Variants in GALNT14 observed in about 807,000 individuals in gnomAD.
GALNT14 encodes UDP-GalNAc:polypeptide N-acetylgalactosaminyltransferase 14.
A neutral mutation model predicts 77.5 loss-of-function variants in GALNT14; 60 were observed. The observed-to-expected ratio is 0.77, with a 90% CI of 0.63 to 0.96. The LOEUF is 0.96. GALNT14 is among the 40% of genes least tolerant of loss of function. The probability of loss-of-function intolerance (pLI) is 0.00; values close to 1 mark genes in which losing one functional copy is unlikely to be tolerated. For missense variants in GALNT14, 710 were observed against 731.0 expected, an observed-to-expected ratio of 0.97 and a Z score of 0.33; for synonymous variants, 280 against 281.7, an observed-to-expected ratio of 0.99 and a Z score of 0.06.
In GALNT14 at chr2:30,946,731, G is replaced by A. The variant is rs142921101; in HGVS notation, c.655-861C>T. On this transcript the variant is annotated intron_variant, in intron 6 of 14. Transcript: ENST00000349752. ...GACTGCAGCCCCAAGAAGCAAAACC[G>A]TACACCCATGGTGCTTCATTCTATG... 3.2e-4 allele frequency among the ~76,000 whole-genome samples: 48 copies of A among 152,236 alleles called. 1 individual carries two copies. In the East Asian group the frequency reaches 7.1e-3, roughly 23 times the overall value.
intron 2 of GALNT14, among the ~76,000 whole-genome samples, chr2:30,984,035 T>C (rs1669149477): frequency 6.6e-6 from 1 of 152,220 alleles, no homozygotes; most frequent in Non-Finnish European, 1.5e-5. Context: ...AGTCTTGCTG[T>C]TCTGCTCAAG....
chr2:31,082,342 C>G (rs1015932073), intron 1 of GALNT14, among the ~76,000 whole-genome samples: 9 of 152,250 alleles, frequency 5.9e-5, no homozygotes, highest in African/African-American at 2.2e-4. Context: ...TCAAGTGCAA[C>G]TCTTGTCTCT....
At chr2:30,955,998 G>A in intron 4 of GALNT14, 21 bp from the exon 5 acceptor site, 15 of 1,613,722 alleles carry the variant, frequency 9.3e-6, no homozygotes, top group Non-Finnish European at 1.3e-5. Context: ...AAAAGGTTAA[G>A]CCAATTGAGC....
chr2:30,890,467 C>T, the GALNT14 span, among the ~76,000 whole-genome samples: 2 of 152,140 alleles, frequency 1.3e-5, no homozygotes, highest in Admixed American at 1.3e-4. Context: ...GTTGAAAACT[C>T]TCAAATAATA....
chr2:30,992,390 G>A (rs1415301442), intron 2 of GALNT14, among the ~76,000 whole-genome samples: 1 of 152,114 alleles, frequency 6.6e-6, no homozygotes, highest in Non-Finnish European at 1.5e-5. Flanking sequence ...TCCAACGGCT[G>A]GCACTGGAAG....
Position 30,910,749 on chromosome 2 carries a change from T to G in GALNT14, c.*152A>C. On this transcript the variant is annotated 3_prime_UTR_variant, in exon 15 of 15. Transcript: ENST00000349752. ...TTGTGATGTTTTCCTCTGTCCTCCC[T>G]GAGACAGTTGCTCCTGTCCTGGGGG... The G allele has an allele frequency of 2.7e-6, 2 of 729,344 alleles. No individual in the cohort carries two copies. Among genetic ancestry groups the G allele is most frequent in the Non-Finnish European group, 4.4e-6 (2 of 454,642 alleles). 45.2% of individuals were successfully genotyped at this position (729,344 alleles called of 1,614,324 possible).
chr2:30,934,257 G>A (rs181358150), intron 9 of GALNT14, among the ~76,000 whole-genome samples: 2 of 152,220 alleles, frequency 1.3e-5, no homozygotes, highest in Non-Finnish European at 2.9e-5. Context: ...CCTGGAGGTC[G>A]GTGCGTGGAG....
intron 1 of GALNT14, among the ~76,000 whole-genome samples, chr2:31,090,435 G>A (rs1004241138): frequency 6.6e-6 from 1 of 151,476 alleles, no homozygotes; most frequent in Non-Finnish European, 1.5e-5. Flanking sequence ...GACGCACCTG[G>A]AGAAAGCTCC....
At chr2:31,012,473 T>C (rs1222006908) in intron 1 of GALNT14, among the ~76,000 whole-genome samples, 1 of 152,112 alleles carries the variant, frequency 6.6e-6, no homozygotes, top group Non-Finnish European at 1.5e-5. Flanking sequence ...AGGTTGGTAA[T>C]AAAAACTGCT....
chr2:31,003,174 T>C (rs138620263), intron 1 of GALNT14, among the ~76,000 whole-genome samples: 159 of 152,296 alleles, frequency 1.0e-3, no homozygotes, highest in East Asian at 0.01. Context: ...GTACTGGTAA[T>C]AAATTTAAAT....
chr2:31,128,746 T>C (rs568153498), intron 1 of GALNT14, among the ~76,000 whole-genome samples: 2 of 152,148 alleles, frequency 1.3e-5, no homozygotes, highest in African/African-American at 4.8e-5. Context: ...TCTCTCCACT[T>C]CTTGCACCAC....
Position 31,100,166 on chromosome 2 carries a change from A to C in GALNT14, c.129+37792T>G, listed in dbSNP as rs548831206. ...CTCTAAAAATATACGGTAAGTCCTC[A>C]CTTAACATCATTGATAGGTGGTTGG... On this transcript the variant is annotated intron_variant, in intron 1 of 14. Coordinates refer to ENST00000349752, the MANE Select transcript of GALNT14 (RefSeq NM_024572.4). 1.6e-4 allele frequency among the ~76,000 whole-genome samples: 24 copies of C among 152,124 alleles called. 3 individuals carry two copies. In the South Asian group the frequency reaches 5.0e-3, roughly 32 times the overall value.
Position 31,138,365 on chromosome 2 carries a change from G to T in GALNT14, c.-279C>A. 2.3e-6 allele frequency: 1 copy of T among 440,720 alleles called. No homozygotes were observed. Among genetic ancestry groups the T allele is most frequent in the Non-Finnish European group, 4.0e-6 (1 of 250,018 alleles). 27.3% of individuals were successfully genotyped at this position (440,720 alleles called of 1,614,324 possible). ...CAGCGGGAGAAGCGCGGTGGCTGCC[G>T]AGATGTTCCCCACGCCGCCACCGCG... On this transcript the variant is annotated 5_prime_UTR_variant, in exon 1 of 15. Coordinates refer to ENST00000349752, the MANE Select transcript of GALNT14 (RefSeq NM_024572.4).
chr2:30,943,796 C>A (rs976797498), intron 8 of GALNT14, among the ~76,000 whole-genome samples: 2 of 152,164 alleles, frequency 1.3e-5, no homozygotes, highest in Non-Finnish European at 2.9e-5. Flanking sequence ...AATAGAGAAG[C>A]CTGGAGGAGC....
intron 1 of GALNT14, among the ~76,000 whole-genome samples, chr2:31,056,876 A>T (rs1674242212): frequency 6.6e-6 from 1 of 152,198 alleles, no homozygotes; most frequent in Non-Finnish European, 1.5e-5. Context: ...ACATGGAATC[A>T]ACTTAGGTGC....
chr2:30,943,888 C>T (rs1187803877), intron 8 of GALNT14, among the ~76,000 whole-genome samples: 2 of 152,228 alleles, frequency 1.3e-5, no homozygotes, highest in African/African-American at 4.8e-5. Context: ...TTTGGAAGGT[C>T]ACCATTCACA....
chr2:31,105,640 C>T (rs1573356804), intron 1 of GALNT14, among the ~76,000 whole-genome samples: 1 of 151,942 alleles, frequency 6.6e-6, no homozygotes, highest in African/African-American at 2.4e-5. Flanking sequence ...GCAAAAGAAT[C>T]GCTTGAACCT....
intron 1 of GALNT14, among the ~76,000 whole-genome samples, chr2:31,022,271 T>C (rs1671768023): frequency 6.6e-6 from 1 of 152,220 alleles, no homozygotes; most frequent in African/African-American, 2.4e-5. Flanking sequence ...TGCCTCCTTT[T>C]AAAACATATA....
intron 6 of GALNT14, among the ~76,000 whole-genome samples, chr2:30,947,104 C>T (rs553840653): frequency 1.3e-5 from 2 of 152,316 alleles, no homozygotes; most frequent in East Asian, 3.9e-4. Flanking sequence ...TCTTTGAGTT[C>T]AGCCTGCCTC....
Sources: allele counts gnomAD v4.1 joint callset (sites outside exome capture counted in the v4.1 genomes callset), GRCh38; gene constraint gnomAD v4.1.1; transcripts MANE v1.5; gene names NCBI Gene and HGNC (gene_info 2026-07-23, HGNC 2026-07-21).